The following GRAP2 variants were observed in gnomAD, a reference collection of about 807,000 sequenced individuals.
The protein encoded by GRAP2 is GRB2-related adapter protein 2.
Under a neutral mutation model 43.5 loss-of-function variants are expected in GRAP2, and 31 were observed. That is an observed-to-expected ratio of 0.71 (90% CI 0.54 to 0.96). The LOEUF (loss-of-function observed/expected upper bound fraction) is 0.96. Among genes scored for constraint, GRAP2 ranks in the 40% least tolerant of loss-of-function variants. The probability of loss-of-function intolerance (pLI) is 0.00; values close to 1 mark genes in which losing one functional copy is unlikely to be tolerated. For synonymous variants in GRAP2, 156 were observed against 164.8 expected (o/e 0.95, Z 0.41); for missense variants, 371 against 424.4 (o/e 0.87, Z 1.11).
chr22:39,949,934 A>T (rs2066964492), intron 2 of GRAP2, among the ~76,000 whole-genome samples: 2 of 152,126 alleles, frequency 1.3e-5, no homozygotes, highest in South Asian at 4.1e-4. Flanking sequence ...ATCAGATCAT[A>T]TCATTTCCTT....
the GRAP2 span, among the ~76,000 whole-genome samples, chr22:39,894,897 C>G: frequency 6.6e-6 from 1 of 152,154 alleles, no homozygotes; most frequent in African/African-American, 2.4e-5. Flanking sequence ...GGGCAGGTTT[C>G]ACAGAAGAGT....
At chr22:39,917,417 C>T (rs1488441752) in intron 1 of GRAP2, among the ~76,000 whole-genome samples, 5 of 152,318 alleles carry the variant, frequency 3.3e-5, no homozygotes, top group African/African-American at 1.2e-4. Flanking sequence ...CGTTCTCAGA[C>T]ACTGCACCCT....
chr22:39,899,797 A>T (rs546745188), upstream of GRAP2, among the ~76,000 whole-genome samples: 38 of 152,236 alleles, frequency 2.5e-4, no homozygotes, highest in African/African-American at 8.7e-4. Flanking sequence ...AGCCTGGCCG[A>T]CATGGTGAAA....
intron 3 of GRAP2, among the ~76,000 whole-genome samples, chr22:39,957,031 T>C (rs532076418): frequency 5.2e-4 from 79 of 152,226 alleles, no homozygotes; most frequent in African/African-American, 1.8e-3. Flanking sequence ...AAGGGGAAAT[T>C]CTCTTCCTAA....
chr22:39,894,332 C>G, the GRAP2 span, among the ~76,000 whole-genome samples: 1 of 146,754 alleles, frequency 6.8e-6, no homozygotes, highest in African/African-American at 2.5e-5. Context: ...AAACCAAACA[C>G]CGCATATTCT....
chr22:39,951,278 A>G (rs1003468284), intron 2 of GRAP2, among the ~76,000 whole-genome samples: 1 of 152,224 alleles, frequency 6.6e-6, no homozygotes, highest in Non-Finnish European at 1.5e-5. Flanking sequence ...AGCTACACAC[A>G]GCACCAGCCT....
intron 1 of GRAP2, among the ~76,000 whole-genome samples, chr22:39,933,867 A>G (rs1377780413): frequency 6.6e-6 from 1 of 151,982 alleles, no homozygotes; most frequent in East Asian, 1.9e-4. Flanking sequence ...AAAGAAAGAA[A>G]GTTGTGTGTC....
intron 2 of GRAP2, among the ~76,000 whole-genome samples, chr22:39,952,949 C>G (rs1475907923): frequency 6.6e-6 from 1 of 152,164 alleles, no homozygotes; most frequent in African/African-American, 2.4e-5. Context: ...TTGACTTGGC[C>G]AAGATCACAT....
chr22:39,902,042 C>T (rs2066496860), intron 1 of GRAP2, among the ~76,000 whole-genome samples: 1 of 152,154 alleles, frequency 6.6e-6, no homozygotes, highest in South Asian at 2.1e-4. Context: ...GACAGGTATA[C>T]TGTCAAAAAA....
At chr22:39,950,062 G>A (rs185071965) in intron 2 of GRAP2, among the ~76,000 whole-genome samples, 2 of 152,184 alleles carry the variant, frequency 1.3e-5, no homozygotes, top group East Asian at 3.9e-4. Context: ...CACCCACACA[G>A]AGACATCTTT....
intron 1 of GRAP2, among the ~76,000 whole-genome samples, chr22:39,925,305 C>T (rs2066687785): frequency 6.6e-6 from 1 of 152,192 alleles, no homozygotes; most frequent in African/African-American, 2.4e-5. Flanking sequence ...TCATACATTA[C>T]ATTCCTGTGA....
At chr22:39,907,887 G>A (rs2066533959) in intron 1 of GRAP2, among the ~76,000 whole-genome samples, 1 of 152,224 alleles carries the variant, frequency 6.6e-6, no homozygotes, top group African/African-American at 2.4e-5. Context: ...CTTGCTCAAG[G>A]TAATTTGCTA....
chr22:39,895,985 T>C, the GRAP2 span, among the ~76,000 whole-genome samples: 1 of 152,192 alleles, frequency 6.6e-6, no homozygotes, highest in Non-Finnish European at 1.5e-5. Context: ...CCAAATCTCC[T>C]GTGTCTAGCT....
chr22:39,914,149 G>A lies in GRAP2; in HGVS notation c.-15+12819G>A, dbSNP rs550957703. On this transcript the variant is annotated intron_variant, in intron 1 of 7. Transcript: ENST00000344138. ...CCAAGTATGTATTTGTTAAATAAAA[G>A]CTGTGTGCAGACTGCCCTTTTGCCA... Among the ~76,000 whole-genome samples the A allele has an allele frequency of 1.8e-3, 276 of 152,212 alleles. 2 individuals carry two copies. The highest frequency in any genetic ancestry group is 0.014 in the Middle Eastern group (4 of 294).
chr22:39,911,593 T>C (rs1475788612), intron 1 of GRAP2, among the ~76,000 whole-genome samples: 1 of 152,114 alleles, frequency 6.6e-6, no homozygotes, highest in Non-Finnish European at 1.5e-5. Context: ...CATAGAAATG[T>C]CATATTTCAA....
intron 1 of GRAP2, among the ~76,000 whole-genome samples, chr22:39,911,365 GACTC>G (rs1259725632): frequency 1.2e-4 from 18 of 151,986 alleles, no homozygotes; most frequent in African/African-American, 4.3e-4. Flanking sequence ...CATTTAAAAT[GACTC>G]TCTTCCCTCC....
intron 4 of GRAP2, 29 bp downstream of exon 4, chr22:39,960,203 C>A: frequency 6.2e-7 from 1 of 1,605,016 alleles, no homozygotes; most frequent in Non-Finnish European, 8.5e-7. Context: ...ACTGCCTTGG[C>A]CCTTCTCGGC....
chr22:39,899,588 T>G (rs1010974481), upstream of GRAP2, among the ~76,000 whole-genome samples: 4 of 152,168 alleles, frequency 2.6e-5, no homozygotes, highest in Non-Finnish European at 4.4e-5. Flanking sequence ...ATTTTTAAAT[T>G]TTATCTTTAT....
chr22:39,934,177 C>T (rs1024461421), intron 1 of GRAP2, among the ~76,000 whole-genome samples: 1 of 152,144 alleles, frequency 6.6e-6, no homozygotes. Flanking sequence ...GCCACAGGCA[C>T]GGCACAGCTT....
Sources: gnomAD v4.1 joint callset for allele counts (sites outside exome capture counted in the v4.1 genomes callset) on GRCh38, gnomAD v4.1.1 for gene constraint, MANE v1.5 for transcripts, NCBI Gene and HGNC (gene_info 2026-07-23, HGNC 2026-07-21) for gene names.